Variants in SGMS1 observed in about 807,000 individuals in gnomAD.
SGMS1 encodes phosphatidylcholine:ceramide cholinephosphotransferase 1.
Under a neutral mutation model 46.2 loss-of-function variants are expected in SGMS1, and 13 were observed. The observed-to-expected ratio is 0.28, with a 90% CI of 0.18 to 0.45. The LOEUF (loss-of-function observed/expected upper bound fraction) is 0.45. Among genes scored for constraint, SGMS1 ranks in the 20% least tolerant of loss-of-function variants. The pLI is 1.00. For synonymous variants in SGMS1, 203 were observed against 187.8 expected, an observed-to-expected ratio of 1.08 and a Z score of -0.66; for missense variants, 324 against 519.9, an observed-to-expected ratio of 0.62 and a Z score of 3.66.
At chr10:50,544,240 T>G (rs964805059) in intron 2 of SGMS1, among the ~76,000 whole-genome samples, 2 of 152,292 alleles carry the variant, frequency 1.3e-5, no homozygotes, top group South Asian at 2.1e-4. Flanking sequence ...GGTAGTTATG[T>G]CCCCATTTCA....
chr10:50,604,242 A>G (rs936014537), intron 1 of SGMS1, among the ~76,000 whole-genome samples: 1 of 152,034 alleles, frequency 6.6e-6, no homozygotes, highest in South Asian at 2.1e-4. Flanking sequence ...CACCCCACCC[A>G]AAAGAAAGCA....
chr10:50,431,467 T>C (rs971219501), intron 6 of SGMS1, among the ~76,000 whole-genome samples: 1 of 152,228 alleles, frequency 6.6e-6, no homozygotes, highest in African/African-American at 2.4e-5. Flanking sequence ...AACACAATCT[T>C]AGCTGTTACT....
intron 2 of SGMS1, among the ~76,000 whole-genome samples, chr10:50,541,319 C>T (rs1838050242): frequency 6.6e-6 from 1 of 152,064 alleles, no homozygotes; most frequent in Non-Finnish European, 1.5e-5. Context: ...AACTTTTTAC[C>T]TCTCAAAGCA....
At chr10:50,374,147 A>G (rs569157446) in intron 6 of SGMS1, among the ~76,000 whole-genome samples, 1 of 152,214 alleles carries the variant, frequency 6.6e-6, no homozygotes, top group Non-Finnish European at 1.5e-5. Flanking sequence ...ATATTTACAA[A>G]AGCCAAATCA....
intron 6 of SGMS1, among the ~76,000 whole-genome samples, chr10:50,351,374 G>T (rs974060063): frequency 6.6e-6 from 1 of 152,180 alleles, no homozygotes; most frequent in African/African-American, 2.4e-5. Flanking sequence ...GATTAATGCT[G>T]AAATGAGTTA....
chr10:50,563,982 G>A (rs142997145), intron 2 of SGMS1, among the ~76,000 whole-genome samples: 1 of 152,192 alleles, frequency 6.6e-6, no homozygotes, highest in Admixed American at 6.5e-5. Context: ...AGCAGGCGCC[G>A]CCTAGAGCCT....
chr10:50,555,142 G>C (rs911297021), intron 2 of SGMS1, among the ~76,000 whole-genome samples: 1 of 152,174 alleles, frequency 6.6e-6, no homozygotes, highest in African/African-American at 2.4e-5. Context: ...AGAGGCCAAG[G>C]CTTCCCACGT....
chr10:50,384,359 AACTT>A (rs540945641), intron 6 of SGMS1, among the ~76,000 whole-genome samples: 98 of 151,892 alleles, frequency 6.5e-4, no homozygotes, highest in Non-Finnish European at 1.2e-3. Context: ...AACTTTTTCT[AACTT>A]ACTTTCTTTC....
At chr10:50,456,059 A>T (rs1000586443) in intron 5 of SGMS1, among the ~76,000 whole-genome samples, 1 of 152,188 alleles carries the variant, frequency 6.6e-6, no homozygotes, top group Non-Finnish European at 1.5e-5. Context: ...GTGTCACTGC[A>T]GGAGAATTAC....
At chr10:50,360,823 A>C (rs1291985625) in intron 6 of SGMS1, among the ~76,000 whole-genome samples, 2 of 152,198 alleles carry the variant, frequency 1.3e-5, no homozygotes, top group Non-Finnish European at 2.9e-5. Flanking sequence ...TGAGAGCTAA[A>C]ATTCTTCTAA....
chr10:50,450,845 A>G (rs1175609943), intron 5 of SGMS1, among the ~76,000 whole-genome samples: 10 of 151,962 alleles, frequency 6.6e-5, no homozygotes, highest in Non-Finnish European at 1.5e-4. Flanking sequence ...AAATTTATTC[A>G]ATTTATTAAA....
intron 6 of SGMS1, among the ~76,000 whole-genome samples, chr10:50,368,351 T>C (rs1008945295): frequency 2.6e-5 from 4 of 152,168 alleles, no homozygotes; most frequent in African/African-American, 9.7e-5. Context: ...TACTAATTTT[T>C]TTATTTTTTA....
At chr10:50,429,295 ATACT>A (rs759971463) in intron 6 of SGMS1, among the ~76,000 whole-genome samples, 15 of 152,194 alleles carry the variant, frequency 9.9e-5, no homozygotes, top group South Asian at 2.1e-4. Context: ...AGATACACAA[ATACT>A]TACCATTTGG....
intron 6 of SGMS1, among the ~76,000 whole-genome samples, chr10:50,356,003 G>A (rs1420503229): frequency 2.7e-5 from 4 of 150,396 alleles, no homozygotes; most frequent in African/African-American, 7.4e-5. Flanking sequence ...CTCGGCAGCT[G>A]CCCCGTCTGG....
intron 4 of SGMS1, among the ~76,000 whole-genome samples, chr10:50,464,835 A>C (rs1369138653): frequency 6.6e-6 from 1 of 152,206 alleles, no homozygotes; most frequent in African/African-American, 2.4e-5. Context: ...GGAGGGAAGA[A>C]GGGAGAGAGG....
At chr10:50,539,431 C>A (rs1469451706) in intron 2 of SGMS1, among the ~76,000 whole-genome samples, 1 of 152,194 alleles carries the variant, frequency 6.6e-6, no homozygotes, top group Admixed American at 6.5e-5. Context: ...CATCTATATG[C>A]TCAGGTGAGA....
intron 6 of SGMS1, among the ~76,000 whole-genome samples, chr10:50,383,246 GA>G (rs1848633906): frequency 6.6e-6 from 1 of 152,092 alleles, no homozygotes; most frequent in Non-Finnish European, 1.5e-5. Flanking sequence ...GAATTATGCA[GA>G]ATTTATCATT....
intron 5 of SGMS1, among the ~76,000 whole-genome samples, chr10:50,440,100 C>T (rs1019587698): frequency 1.1e-4 from 16 of 152,110 alleles, no homozygotes; most frequent in Non-Finnish European, 2.2e-4. Flanking sequence ...CAGACCACAG[C>T]TCTCTTTTCT....
Position 50,306,942 on chromosome 10 carries a change from A to T in SGMS1, c.*200T>A. On this transcript the variant is annotated 3_prime_UTR_variant, in exon 11 of 11. Coordinates refer to ENST00000361781, the MANE Select transcript of SGMS1 (RefSeq NM_147156.4). ...AAATGTGTACAGTGCATGATAGGTT[A>T]AATTTTTCTTTATTGTTGTCCAACG... The T allele has an allele frequency of 1.8e-6, 1 of 557,780 alleles. No individual in the cohort carries two copies. Among genetic ancestry groups the T allele is most frequent in the Non-Finnish European group, 3.1e-6 (1 of 317,904 alleles). The allele number at this position is 557,780 out of a possible 1,614,324, so 34.6% of individuals were successfully genotyped here.
Sources: allele counts gnomAD v4.1 joint callset (sites outside exome capture counted in the v4.1 genomes callset), GRCh38; gene constraint gnomAD v4.1.1; transcripts MANE v1.5; gene names NCBI Gene and HGNC (gene_info 2026-07-23, HGNC 2026-07-21).